Variants in CASQ2 observed in about 807,000 individuals in gnomAD.
CASQ2 encodes the protein calsequestrin 2.
A neutral mutation model predicts 46.5 loss-of-function variants in CASQ2; 49 were observed. That is an observed-to-expected ratio of 1.05 (90% confidence interval 0.84 to 1.34). The LOEUF (loss-of-function observed/expected upper bound fraction) is 1.34, where lower values mean the gene tolerates loss of function less well. Ranked by LOEUF, CASQ2 falls within the 40% of genes most tolerant of loss-of-function variation. The pLI, the probability that CASQ2 is intolerant of heterozygous loss-of-function variation, is 0.00. For missense variants in CASQ2, 486 were observed against 481.3 expected (o/e 1.01, Z -0.09); for synonymous variants, 174 against 168.5 (o/e 1.03, Z -0.25).
At position 115,725,499 on chromosome 1, in the gene CASQ2, C is replaced by T. The variant is rs1363721914; in HGVS notation, c.783+9G>A. Reference sequence around the variant, plus strand: ...TCTACAAGGCAAAGAGAGTTTGCCTCTTTCTTACCCATGTTTCAAACATTT... The same window carrying T: ...TCTACAAGGCAAAGAGAGTTTGCCTTTTTCTTACCCATGTTTCAAACATTT... On this transcript the variant is annotated intron_variant, in intron 7 of 10. Transcript: ENST00000261448. 4 of 1,602,912 alleles carry T rather than the reference C, an allele frequency of 2.5e-6. No individual in the cohort carries two copies. The highest frequency in any genetic ancestry group is 2.2e-5 in the South Asian group (2 of 90,886).
At position 115,738,292 on chromosome 1, in the gene CASQ2, A is replaced by G. The variant is rs748089571; in HGVS notation, c.464T>C (p.Val155Ala). 1.9e-6 allele frequency: 3 copies of G among 1,613,924 alleles called. No individual in the cohort carries two copies. The highest frequency in any genetic ancestry group is 1.1e-5 in the South Asian group (1 of 91,082). Residue 155 changes from valine to alanine, a missense_variant, in exon 4 of 11, where the codon GTC (valine) becomes GCC (alanine). Coordinates refer to ENST00000261448, the MANE Select transcript of CASQ2 (RefSeq NM_001232.4). Reference protein sequence around the residue: ...PVEIISSKLEVQAFERIEDYI... With the variant: ...PVEIISSKLEAQAFERIEDYI... Reference sequence around the variant, plus strand: ...GTCTTCAATGCGTTCGAAGGCTTGGACTTCCAGTTTGCTGCTGATGATCTC... The same window carrying G: ...GTCTTCAATGCGTTCGAAGGCTTGGGCTTCCAGTTTGCTGCTGATGATCTC...
At position 115,705,253 on chromosome 1, in the gene CASQ2, CG is replaced by C; in HGVS notation, c.877del (p.Arg293GlyfsTer9). ...EFLEILKQVARDNTDNPDLSI... is the reference protein window; with the variant it reads ...EFLEILKQVAXDNTDNPDLSI... ...CAGATCGGGGTTGTCAGTATTGTCC[CG>C]GGCAACCTGTTTCAGGATCTCCAGG... is the stretch of plus-strand genomic sequence containing the variant. On this transcript the variant is annotated frameshift_variant, in exon 9 of 11. Transcript: ENST00000261448. LOFTEE classifies it high-confidence loss of function. The C allele has an allele frequency of 6.2e-7, 1 of 1,614,032 alleles. No individual in the cohort carries two copies. Among genetic ancestry groups the C allele is most frequent in the Non-Finnish European group, 8.5e-7 (1 of 1,179,922 alleles).
intron 6 of CASQ2, 129 bp downstream of exon 6, chr1:115,726,863 A>G: frequency 1.4e-6 from 1 of 721,390 alleles, no homozygotes; most frequent in South Asian, 1.5e-5. Context: ...AAGCCATACT[A>G]CTGAGTTCTG....
At chr1:115,707,230 T>C (rs893277357) in intron 8 of CASQ2, among the ~76,000 whole-genome samples, 4 of 152,104 alleles carry the variant, frequency 2.6e-5, no homozygotes, top group African/African-American at 4.8e-5. Context: ...GGGTCTCACA[T>C]TGTTGCCCAG....
chr1:115,737,322 T>C (rs1318297779), intron 4 of CASQ2, among the ~76,000 whole-genome samples: 1 of 152,118 alleles, frequency 6.6e-6, no homozygotes, highest in African/African-American at 2.4e-5. Context: ...GTTGATGAGG[T>C]GACTAAGGAT....
At chr1:115,742,103 A>G (rs1030455043) in intron 2 of CASQ2, among the ~76,000 whole-genome samples, 7 of 152,148 alleles carry the variant, frequency 4.6e-5, no homozygotes, top group African/African-American at 1.7e-4. Flanking sequence ...GCTGGAGTGC[A>G]GGGCCATGAT....
intron 8 of CASQ2, among the ~76,000 whole-genome samples, chr1:115,710,605 A>G (rs1654513776): frequency 6.6e-6 from 1 of 152,058 alleles, no homozygotes; most frequent in South Asian, 2.1e-4. Flanking sequence ...GCTGGCCTCT[A>G]CCTTCCCATG....
intron 8 of CASQ2, among the ~76,000 whole-genome samples, chr1:115,709,012 C>T (rs878987322): frequency 2.6e-5 from 4 of 152,212 alleles, no homozygotes; most frequent in Non-Finnish European, 5.9e-5. Flanking sequence ...GCTTTTAAGG[C>T]ATTAGCTTGT....
At chr1:115,752,069 C>A (rs7532923) in intron 1 of CASQ2, among the ~76,000 whole-genome samples, 66,353 of 152,066 alleles carry the variant, frequency 0.44, 16,848 homozygotes, top group Non-Finnish European at 0.58. Context: ...CACACAAAGC[C>A]ACCAACACAT....
chr1:115,726,968 G>GC, intron 6 of CASQ2, 24 bp downstream of exon 6: 1 of 712,364 alleles, frequency 1.4e-6, no homozygotes, highest in Non-Finnish European at 2.4e-6. Flanking sequence ...CAGGCCCCCA[G>GC]CCCCCACATG....
chr1:115,756,808 A>G (rs1648777865), intron 1 of CASQ2, among the ~76,000 whole-genome samples: 1 of 152,092 alleles, frequency 6.6e-6, no homozygotes. Flanking sequence ...TTAGCTGGGC[A>G]GGGTGGCACA....
intron 8 of CASQ2, among the ~76,000 whole-genome samples, chr1:115,716,495 T>C (rs1024950308): frequency 1.6e-4 from 25 of 152,296 alleles, no homozygotes; most frequent in African/African-American, 5.3e-4. Context: ...ATAGGCTAGA[T>C]GGCAAAATAG....
chr1:115,732,954 C>T lies in CASQ2; in HGVS notation c.553G>A (p.Ala185Thr), dbSNP rs1647838299. ...ATGTAAGGCTGGAAGTGTTCAGCTG[C>T]TTCTTCAAAAGCCTTGTAGTCTAAG... is the stretch of plus-strand genomic sequence containing the variant. ...DSEYYKAFEE[A>T]AEHFQPYIKF... The change falls in exon 5 of 11, where the codon GCA (alanine) becomes ACA (threonine). Residue 185 changes from alanine to threonine, a missense_variant. By Grantham distance (58) the Ala-to-Thr change is moderately conservative. Coordinates refer to ENST00000261448, the MANE Select transcript of CASQ2 (RefSeq NM_001232.4). The T allele has an allele frequency of 6.2e-7, 1 of 1,613,418 alleles. No homozygotes were observed. Among genetic ancestry groups the T allele is most frequent in the Non-Finnish European group, 8.5e-7 (1 of 1,179,606 alleles).
intron 8 of CASQ2, among the ~76,000 whole-genome samples, chr1:115,714,767 G>T (rs1654646957): frequency 6.6e-6 from 1 of 152,148 alleles, no homozygotes; most frequent in African/African-American, 2.4e-5. Flanking sequence ...AACCCTGAGT[G>T]GCAAGGCCCT....
intron 1 of CASQ2, among the ~76,000 whole-genome samples, chr1:115,767,894 C>A (rs2101129888): frequency 6.6e-6 from 1 of 152,280 alleles, no homozygotes; most frequent in South Asian, 2.1e-4. Context: ...TCTGGTCTCT[C>A]CAGGATCATG....
chr1:115,762,699 A>G (rs918390971), intron 1 of CASQ2, among the ~76,000 whole-genome samples: 1 of 152,226 alleles, frequency 6.6e-6, no homozygotes, highest in Non-Finnish European at 1.5e-5. Flanking sequence ...GTAAGTGTGA[A>G]GCTCACCCGG....
intron 1 of CASQ2, among the ~76,000 whole-genome samples, chr1:115,763,309 G>C (rs1649024024): frequency 6.6e-6 from 1 of 152,062 alleles, no homozygotes; most frequent in Admixed American, 6.5e-5. Flanking sequence ...GAGGTGATTG[G>C]ACATAGCCGA....
In CASQ2 at chr1:115,725,557, G is replaced by GAA. The variant is rs56889721; in HGVS notation, c.738-6_738-5dup. 4.0e-3 allele frequency: 5,622 copies of GAA among 1,394,400 alleles called. 16 individuals carry two copies. Among genetic ancestry groups the GAA allele is most frequent in the Admixed American group, 0.016 (678 of 41,440 alleles). 86.4% of individuals were successfully genotyped at this position (1,394,400 alleles called of 1,614,324 possible). A position where few individuals can be genotyped will look rare whatever the true frequency, so the allele number is the denominator to read the frequency against. ...GCGCAGGCGACGTAGAGTGGGTCTG[G>GAA]AAAAAAAAAAAAAAAAAAAAAAAGA... On this transcript the variant is annotated splice_region_variant and splice_polypyrimidine_tract_variant and intron_variant, in intron 6 of 10. Transcript: ENST00000261448.
intron 4 of CASQ2, among the ~76,000 whole-genome samples, chr1:115,735,378 A>G (rs9428205): frequency 0.1 from 15,963 of 152,264 alleles, 934 homozygotes; most frequent in African/African-American, 0.15. Context: ...ATTTAAAACT[A>G]TGCTATGAAT....
Sources: allele counts gnomAD v4.1 joint callset (sites outside exome capture counted in the v4.1 genomes callset), GRCh38; gene constraint gnomAD v4.1.1; transcripts MANE v1.5; gene names NCBI Gene and HGNC (gene_info 2026-07-23, HGNC 2026-07-21).